Variants in PROX1 observed in about 807,000 individuals in gnomAD.
PROX1 encodes prospero homeobox protein 1.
Under a neutral mutation model 58.8 loss-of-function variants are expected in PROX1, and 7 were observed. That is an observed-to-expected ratio of 0.12 (90% confidence interval 0.07 to 0.22). The LOEUF (loss-of-function observed/expected upper bound fraction) is 0.22, where lower values mean the gene tolerates loss of function less well. PROX1 is among the 10% of genes least tolerant of loss of function. PROX1 has a pLI of 1.00. For synonymous variants in PROX1, 350 were observed against 358.3 expected (o/e 0.98, Z 0.26); for missense variants, 675 against 927.8 (o/e 0.73, Z 3.54).
intron 4 of PROX1, among the ~76,000 whole-genome samples, chr1:214,035,152 A>T (rs536700660): frequency 2.6e-5 from 4 of 152,326 alleles, no homozygotes; most frequent in Admixed American, 2.6e-4. Context: ...CCTCTGAGAC[A>T]AACAGATAAC....
chr1:214,016,784 G>C (rs897762391), intron 4 of PROX1, among the ~76,000 whole-genome samples: 1 of 152,164 alleles, frequency 6.6e-6, no homozygotes, highest in Non-Finnish European at 1.5e-5. Flanking sequence ...AATTCTATGC[G>C]TGCATGAGGC....
At chr1:214,017,846 G>C (rs1040721473) in intron 4 of PROX1, among the ~76,000 whole-genome samples, 2 of 152,102 alleles carry the variant, frequency 1.3e-5, no homozygotes, top group Non-Finnish European at 2.9e-5. Context: ...GTCCTTCAGC[G>C]ATGAGGAAAG....
chr1:214,006,051 A>G (rs1222779717), intron 3 of PROX1, among the ~76,000 whole-genome samples: 1 of 152,010 alleles, frequency 6.6e-6, no homozygotes, highest in African/African-American at 2.4e-5. Flanking sequence ...TAAAACATAG[A>G]TTGGGTTTTG....
At chr1:213,988,904 C>T (rs887179656) in intron 1 of PROX1, among the ~76,000 whole-genome samples, 1 of 151,962 alleles carries the variant, frequency 6.6e-6, no homozygotes, top group African/African-American at 2.4e-5. Context: ...TCTCTCTTCT[C>T]AGGAGAGAGG....
At chr1:214,035,514 G>A (rs773398273) in intron 4 of PROX1, 135 bp from the exon 5 acceptor site, 2 of 775,358 alleles carry the variant, frequency 2.6e-6, no homozygotes, top group African/African-American at 1.8e-5. Flanking sequence ...AAGAATAGAA[G>A]CCAGCTATTT....
intron 4 of PROX1, among the ~76,000 whole-genome samples, chr1:214,024,150 G>A (rs1664374790): frequency 1.3e-5 from 2 of 152,130 alleles, no homozygotes; most frequent in Non-Finnish European, 2.9e-5. Flanking sequence ...GGAGTCTAGT[G>A]GACTTCCAAA....
intron 1 of PROX1, among the ~76,000 whole-genome samples, chr1:213,994,464 C>T (rs113707031): frequency 8.4e-4 from 128 of 152,126 alleles, no homozygotes; most frequent in African/African-American, 2.9e-3. Flanking sequence ...CTTTGATTAA[C>T]AGAGCTTTGA....
rs1020086643 is a variant in PROX1, at chr1:214,040,403, C to T, written c.*4569C>T. 1.3e-5 allele frequency: 2 copies of T among 152,114 alleles called. No homozygotes were observed. Among genetic ancestry groups the T allele is most frequent in the African/African-American group, 2.4e-5 (1 of 41,410 alleles). 9.4% of individuals were successfully genotyped at this position (152,114 alleles called of 1,614,324 possible). On this transcript the variant is annotated 3_prime_UTR_variant, in exon 5 of 5. Coordinates refer to ENST00000366958, the MANE Select transcript of PROX1 (RefSeq NM_001270616.2). The stretch of plus-strand genomic sequence containing the variant: ...AACATAAGCAGAAAAGGCAAACAAG[C>T]TTACCTTCTTTTGTGAAAACGTATT...
intron 1 of PROX1, among the ~76,000 whole-genome samples, chr1:213,992,578 C>A (rs1217870412): frequency 6.6e-6 from 1 of 152,026 alleles, no homozygotes; most frequent in African/African-American, 2.4e-5. Context: ...AGATTAGAGG[C>A]CCATACAAAG....
In PROX1 at chr1:213,996,917, A is replaced by G; in HGVS notation, c.382A>G (p.Ile128Val). The G allele has an allele frequency of 6.2e-7, 1 of 1,614,116 alleles. No individual in the cohort carries two copies. The highest frequency in any genetic ancestry group is 8.5e-7 in the Non-Finnish European group (1 of 1,180,020). Residue 128 changes from isoleucine to valine, a missense_variant, in exon 2 of 5, where the codon ATA (isoleucine) becomes GTA (valine). Ile to Val is a conservative substitution (Grantham distance 29, BLOSUM62 3). Around this residue, in one of 8 missense-constraint regions of PROX1, gnomAD observed 157 missense variants for 197.8 expected, o/e 0.79. Transcript: ENST00000366958. ...AGGCTCCGAAGTACATCAGGAGGAT[A>G]TATGCAGCAACTCTTCAAGAGACAG... ...STGSEVHQED[I>V]CSNSSRDSPP...
upstream of PROX1, among the ~76,000 whole-genome samples, chr1:213,987,316 C>G (rs1042405783): frequency 6.6e-6 from 1 of 151,944 alleles, no homozygotes; most frequent in Non-Finnish European, 1.5e-5. Context: ...ATTTTATTGT[C>G]CACCTCCCCT....
At chr1:213,994,750 A>AATATATATATATACAT in intron 1 of PROX1, among the ~76,000 whole-genome samples, 1 of 88,316 alleles carries the variant, frequency 1.1e-5, no homozygotes, top group South Asian at 4.8e-4. Context: ...CAAGCATGCA[A>AATATATATATATACAT]ATATATATAT....
chr1:214,015,896 T>G (rs1406685853), intron 4 of PROX1, among the ~76,000 whole-genome samples: 1 of 152,160 alleles, frequency 6.6e-6, no homozygotes, highest in Non-Finnish European at 1.5e-5. Flanking sequence ...GTCATTCACC[T>G]GTAGGCAGGG....
chr1:214,001,779 G>C (rs372651994), intron 2 of PROX1, among the ~76,000 whole-genome samples: 1 of 151,688 alleles, frequency 6.6e-6, no homozygotes, highest in Non-Finnish European at 1.5e-5. Context: ...ATATTAGCTA[G>C]AGCAAAACAT....
chr1:214,028,524 C>T (rs908067301), intron 4 of PROX1, among the ~76,000 whole-genome samples: 6 of 152,156 alleles, frequency 3.9e-5, no homozygotes, highest in African/African-American at 7.2e-5. Context: ...CTCACCCAAG[C>T]GAACCTCCTC....
At chr1:214,013,138 G>GGT (rs67603307) in intron 4 of PROX1, among the ~76,000 whole-genome samples, 1,495 of 148,268 alleles carry the variant, frequency 0.01, 11 homozygotes, top group African/African-American at 0.019. Flanking sequence ...AAGTTTGGGT[G>GGT]GTGTGTGTGT....
chr1:213,998,348 G>A (rs1330679976), intron 2 of PROX1, 88 bp downstream of exon 2: 4 of 1,394,510 alleles, frequency 2.9e-6, no homozygotes, highest in Non-Finnish European at 3.8e-6. Flanking sequence ...GAGTAATGTA[G>A]ATTAGTATCT....
chr1:214,031,325 T>C (rs1242574893), intron 4 of PROX1, among the ~76,000 whole-genome samples: 2 of 152,164 alleles, frequency 1.3e-5, no homozygotes, highest in East Asian at 1.9e-4. Context: ...GACGTTCCTA[T>C]ATTGGGATGC....
chr1:213,996,091 C>G (rs1279856790), intron 1 of PROX1, among the ~76,000 whole-genome samples: 1 of 152,018 alleles, frequency 6.6e-6, no homozygotes, highest in African/African-American at 2.4e-5. Context: ...AAGTATAGAG[C>G]AGTTTCATCT....
Sources: allele counts gnomAD v4.1 joint callset (sites outside exome capture counted in the v4.1 genomes callset), GRCh38; gene constraint gnomAD v4.1.1; regional missense constraint gnomAD v4.1.1; transcripts MANE v1.5; gene names NCBI Gene and HGNC (gene_info 2026-07-23, HGNC 2026-07-21).